Variants in CALN1 observed in about 807,000 individuals in gnomAD.
The protein encoded by CALN1 is calcium-binding protein 8.
A neutral mutation model predicts 30.6 loss-of-function variants in CALN1; 17 were observed. The observed-to-expected ratio is 0.56, with a 90% CI of 0.38 to 0.83. The LOEUF (loss-of-function observed/expected upper bound fraction) is 0.83. Ranked by LOEUF, CALN1 falls within the 40% of genes least tolerant of loss-of-function variation. CALN1 has a pLI of 0.00. For synonymous variants in CALN1, 156 were observed against 131.4 expected (o/e 1.19, Z -1.28); for missense variants, 291 against 354.9 (o/e 0.82, Z 1.45).
chr7:72,074,176 G>A (rs1804582139), intron 4 of CALN1, among the ~76,000 whole-genome samples: 1 of 152,140 alleles, frequency 6.6e-6, no homozygotes, highest in Non-Finnish European at 1.5e-5. Context: ...ACCAGCCTTC[G>A]GTTGATTAAT....
At chr7:71,945,017 G>A (rs1796334966) in intron 5 of CALN1, among the ~76,000 whole-genome samples, 1 of 152,170 alleles carries the variant, frequency 6.6e-6, no homozygotes, top group Non-Finnish European at 1.5e-5. Flanking sequence ...GGTGGGAGGG[G>A]CATGGGTCAT....
intron 4 of CALN1, among the ~76,000 whole-genome samples, chr7:72,034,279 A>G (rs1347507894): frequency 6.7e-6 from 1 of 148,780 alleles, no homozygotes; most frequent in Middle Eastern, 3.4e-3. Context: ...GCGTGAACCC[A>G]GGAGGCGGAG....
At chr7:72,499,825 CCTT>C in the CALN1 span, among the ~76,000 whole-genome samples, 4 of 66,088 alleles carry the variant, frequency 6.1e-5, no homozygotes, top group African/African-American at 2.6e-4. Context: ...TTCCTTCCTT[CCTT>C]CTTTCTTTCT....
intron 5 of CALN1, among the ~76,000 whole-genome samples, chr7:72,011,205 C>T (rs900305868): frequency 5.3e-5 from 8 of 151,480 alleles, no homozygotes; most frequent in Admixed American, 1.3e-4. Context: ...TCCTATTCAC[C>T]ATGGCAATAT....
chr7:72,116,537 G>A (rs111975602), intron 3 of CALN1, among the ~76,000 whole-genome samples: 37 of 152,300 alleles, frequency 2.4e-4, no homozygotes, highest in Admixed American at 2.1e-3. Flanking sequence ...AACAGGGTAC[G>A]GAAGCAGGAG....
chr7:72,128,535 C>G (rs371334888), intron 3 of CALN1, among the ~76,000 whole-genome samples: 1 of 152,040 alleles, frequency 6.6e-6, no homozygotes, highest in African/African-American at 2.4e-5. Context: ...GGAGGAAACA[C>G]GAACCAAAAG....
chr7:72,140,098 C>T (rs535987740), intron 3 of CALN1, among the ~76,000 whole-genome samples: 1 of 152,034 alleles, frequency 6.6e-6, no homozygotes, highest in Admixed American at 6.6e-5. Flanking sequence ...AAGTAACACC[C>T]TGTCTCTGCA....
chr7:71,845,951 G>C (rs1790207473), intron 5 of CALN1, among the ~76,000 whole-genome samples: 1 of 152,114 alleles, frequency 6.6e-6, no homozygotes, highest in Non-Finnish European at 1.5e-5. Flanking sequence ...TAGTAGGGAG[G>C]CTGAAGCAGG....
intron 6 of CALN1, among the ~76,000 whole-genome samples, chr7:71,806,171 C>T (rs747887615): frequency 1.5e-4 from 22 of 151,632 alleles, no homozygotes; most frequent in Non-Finnish European, 2.6e-4. Flanking sequence ...ATGTAACAAA[C>T]CTGCACGTCC....
intron 3 of CALN1, among the ~76,000 whole-genome samples, chr7:72,148,526 G>A (rs1193070003): frequency 6.6e-6 from 1 of 152,192 alleles, no homozygotes; most frequent in African/African-American, 2.4e-5. Context: ...TTGAGCCCAG[G>A]AGTTTGGGTC....
At chr7:72,261,290 A>G (rs1796255830) in intron 3 of CALN1, among the ~76,000 whole-genome samples, 1 of 152,178 alleles carries the variant, frequency 6.6e-6, no homozygotes, top group Non-Finnish European at 1.5e-5. Flanking sequence ...CCTGGGTGAC[A>G]GAGCGAGACT....
chr7:72,223,392 C>G (rs369254169), intron 3 of CALN1, among the ~76,000 whole-genome samples: 1 of 152,090 alleles, frequency 6.6e-6, no homozygotes, highest in Non-Finnish European at 1.5e-5. Flanking sequence ...ATGAGGAAAT[C>G]GTGCTCCTTC....
At chr7:72,034,119 C>T (rs963978526) in intron 4 of CALN1, among the ~76,000 whole-genome samples, 8 of 151,834 alleles carry the variant, frequency 5.3e-5, no homozygotes, top group East Asian at 3.9e-4. Context: ...TTTGGGAGGC[C>T]GAGGTGGGCG....
intron 2 of CALN1, among the ~76,000 whole-genome samples, chr7:72,389,855 G>A (rs969440687): frequency 6.6e-6 from 1 of 151,762 alleles, no homozygotes; most frequent in East Asian, 1.9e-4. Context: ...GGAGGCGGAG[G>A]TTGCAGTGAG....
At chr7:71,923,543 T>C (rs1007281625) in intron 5 of CALN1, among the ~76,000 whole-genome samples, 10 of 152,172 alleles carry the variant, frequency 6.6e-5, no homozygotes, top group African/African-American at 1.9e-4. Context: ...ATTAAACCAA[T>C]TCCATCTGCA....
At chr7:71,950,339 C>T (rs74699041) in intron 5 of CALN1, among the ~76,000 whole-genome samples, 12 of 152,144 alleles carry the variant, frequency 7.9e-5, no homozygotes, top group Non-Finnish European at 1.6e-4. Flanking sequence ...TTCAAGGTCA[C>T]CCACAGATAC....
chr7:72,397,024 C>A (rs549125381), intron 2 of CALN1, among the ~76,000 whole-genome samples: 1 of 152,064 alleles, frequency 6.6e-6, no homozygotes, highest in African/African-American at 2.4e-5. Context: ...AATCCTCCCC[C>A]CTCAGCCTCC....
intron 6 of CALN1, among the ~76,000 whole-genome samples, chr7:71,806,050 GC>G (rs1787589916): frequency 6.6e-6 from 1 of 152,114 alleles, no homozygotes; most frequent in South Asian, 2.1e-4. Context: ...AACACATGTT[GC>G]GGGGTGGGGG....
intron 3 of CALN1, among the ~76,000 whole-genome samples, chr7:72,192,961 G>A (rs1790727632): frequency 6.6e-6 from 1 of 151,936 alleles, no homozygotes; most frequent in Non-Finnish European, 1.5e-5. Flanking sequence ...GCTGAAACAG[G>A]CGGATCACTT....
Sources: allele counts gnomAD v4.1 joint callset (sites outside exome capture counted in the v4.1 genomes callset), GRCh38; gene constraint gnomAD v4.1.1; transcripts MANE v1.5; gene names NCBI Gene and HGNC (gene_info 2026-07-23, HGNC 2026-07-21).